Variants in PCDH9 observed in about 807,000 individuals in gnomAD.
The protein encoded by PCDH9 is protocadherin-9.
Under a neutral mutation model 70.6 loss-of-function variants are expected in PCDH9, and 24 were observed. The observed-to-expected ratio is 0.34, with a 90% CI of 0.25 to 0.48. The LOEUF (loss-of-function observed/expected upper bound fraction) is 0.48. Among genes scored for constraint, PCDH9 ranks in the 20% least tolerant of loss-of-function variants. The probability of loss-of-function intolerance (pLI) is 0.99; values close to 1 mark genes in which losing one functional copy is unlikely to be tolerated. For synonymous variants in PCDH9, 562 were observed against 558.5 expected (o/e 1.01, Z -0.09); for missense variants, 1,281 against 1,503.6 (o/e 0.85, Z 2.45).
chr13:66,394,425 A>G (rs537420488), intron 4 of PCDH9, among the ~76,000 whole-genome samples: 28 of 152,304 alleles, frequency 1.8e-4, no homozygotes, highest in Admixed American at 1.6e-3. Context: ...AGAAAATCGG[A>G]CTAAAATATT....
At chr13:67,175,592 C>T (rs1002550918) in intron 2 of PCDH9, among the ~76,000 whole-genome samples, 11 of 152,046 alleles carry the variant, frequency 7.2e-5, no homozygotes, top group African/African-American at 1.5e-4. Flanking sequence ...TACTGTACTA[C>T]CCATACATTA....
chr13:66,477,183 T>C (rs1958746075), intron 4 of PCDH9, among the ~76,000 whole-genome samples: 3 of 152,096 alleles, frequency 2.0e-5, no homozygotes, highest in Non-Finnish European at 4.4e-5. Flanking sequence ...TAGGAAAGTT[T>C]TGTTAAAAGC....
chr13:67,105,720 A>T (rs1022671547), intron 2 of PCDH9, among the ~76,000 whole-genome samples: 1 of 151,944 alleles, frequency 6.6e-6, no homozygotes, highest in Non-Finnish European at 1.5e-5. Flanking sequence ...TACATATCTG[A>T]ACAATAATAT....
chr13:67,193,326 G>T (rs1312357397), intron 2 of PCDH9, among the ~76,000 whole-genome samples: 1 of 126,674 alleles, frequency 7.9e-6, no homozygotes, highest in Non-Finnish European at 1.7e-5. Flanking sequence ...TGCTACTGGA[G>T]ATTAAAACAC....
At chr13:66,745,467 C>T (rs1389977532) in intron 3 of PCDH9, among the ~76,000 whole-genome samples, 1 of 152,210 alleles carries the variant, frequency 6.6e-6, no homozygotes, top group South Asian at 2.1e-4. Context: ...GAGAGATCAA[C>T]CAAGCAGGAA....
chr13:67,053,397 A>G (rs2085358778), intron 2 of PCDH9, among the ~76,000 whole-genome samples: 1 of 152,250 alleles, frequency 6.6e-6, no homozygotes, highest in African/African-American at 2.4e-5. Flanking sequence ...AAAGTGTCAT[A>G]GAATAAAGAA....
chr13:66,365,422 C>A (rs531282940), intron 4 of PCDH9, among the ~76,000 whole-genome samples: 1 of 152,304 alleles, frequency 6.6e-6, no homozygotes, highest in African/African-American at 2.4e-5. Context: ...TCACCAGCTC[C>A]CTCAAATCAG....
chr13:67,052,179 T>C (rs1031157100), intron 2 of PCDH9, among the ~76,000 whole-genome samples: 1 of 152,080 alleles, frequency 6.6e-6, no homozygotes, highest in African/African-American at 2.4e-5. Context: ...ATAAGCAACA[T>C]GAATGATAAG....
intron 2 of PCDH9, among the ~76,000 whole-genome samples, chr13:66,981,454 A>G (rs1178505744): frequency 6.7e-6 from 1 of 149,320 alleles, no homozygotes; most frequent in Admixed American, 6.7e-5. Flanking sequence ...AAAAAAAAAG[A>G]AAAAAAAAGT....
intron 4 of PCDH9, among the ~76,000 whole-genome samples, chr13:66,470,819 G>A (rs1241832781): frequency 6.6e-6 from 1 of 151,414 alleles, no homozygotes; most frequent in Non-Finnish European, 1.5e-5. Flanking sequence ...ATCTTGCTGA[G>A]CTAACTTGGA....
intron 3 of PCDH9, among the ~76,000 whole-genome samples, chr13:66,636,834 G>A (rs1167487922): frequency 6.6e-6 from 1 of 151,640 alleles, no homozygotes; most frequent in African/African-American, 2.4e-5. Flanking sequence ...CAAAACCATG[G>A]TAAAATTTTA....
At chr13:66,536,675 T>C (rs1593639074) in intron 4 of PCDH9, among the ~76,000 whole-genome samples, 2 of 152,070 alleles carry the variant, frequency 1.3e-5, no homozygotes, top group Admixed American at 6.6e-5. Flanking sequence ...TGAATAGATA[T>C]AGCTTCTGAA....
At chr13:66,616,600 A>G (rs1329104672) in intron 4 of PCDH9, among the ~76,000 whole-genome samples, 1 of 151,742 alleles carries the variant, frequency 6.6e-6, no homozygotes, top group Non-Finnish European at 1.5e-5. Context: ...TGGGTAATGT[A>G]AAAATCTGGA....
intron 4 of PCDH9, among the ~76,000 whole-genome samples, chr13:66,577,017 T>A (rs1017387434): frequency 3.3e-5 from 5 of 151,930 alleles, no homozygotes; most frequent in Non-Finnish European, 7.4e-5. Flanking sequence ...ACTGCTTGAA[T>A]AAAAACAACA....
At chr13:66,939,265 A>G (rs1167341608) in intron 2 of PCDH9, among the ~76,000 whole-genome samples, 1 of 152,180 alleles carries the variant, frequency 6.6e-6, no homozygotes, top group African/African-American at 2.4e-5. Flanking sequence ...TCATGATTCT[A>G]GGATCAAATG....
At chr13:66,885,911 A>AT (rs1186509053) in intron 3 of PCDH9, 1 of 152,044 alleles carries the variant, frequency 6.6e-6, no homozygotes, top group African/African-American at 2.4e-5. Context: ...TCTCTGCTAG[A>AT]TTTTTCCTCC....
chr13:67,079,384 T>C (rs1441405112), intron 2 of PCDH9, among the ~76,000 whole-genome samples: 4 of 152,154 alleles, frequency 2.6e-5, no homozygotes, highest in African/African-American at 9.7e-5. Context: ...GTGAGGACTA[T>C]GACCTTCTTT....
chr13:66,765,711 A>G (rs996322760), intron 3 of PCDH9, among the ~76,000 whole-genome samples: 1 of 152,110 alleles, frequency 6.6e-6, no homozygotes, highest in Non-Finnish European at 1.5e-5. Context: ...TTGTACTTCA[A>G]GTTGGAGCAG....
chr13:66,980,625 C>A (rs1406233652), intron 2 of PCDH9, among the ~76,000 whole-genome samples: 3 of 150,950 alleles, frequency 2.0e-5, no homozygotes, highest in Middle Eastern at 3.4e-3. Flanking sequence ...ATCCTTATCA[C>A]AATTTATAAT....
Sources: allele counts gnomAD v4.1 joint callset (sites outside exome capture counted in the v4.1 genomes callset), GRCh38; gene constraint gnomAD v4.1.1; transcripts MANE v1.5; gene names NCBI Gene and HGNC (gene_info 2026-07-23, HGNC 2026-07-21).